The following MAPKAP1 variants were observed in gnomAD, a reference collection of about 807,000 sequenced individuals.
MAPKAP1 encodes target of rapamycin complex 2 subunit MAPKAP1.
In MAPKAP1, 20 loss-of-function variants were observed where a neutral mutation model predicts 65.7. The observed-to-expected ratio is 0.30, with a 90% CI of 0.21 to 0.44. The LOEUF is 0.44. Among genes scored for constraint, MAPKAP1 ranks in the 20% least tolerant of loss-of-function variants. The pLI, the probability that MAPKAP1 is intolerant of heterozygous loss-of-function variation, is 1.00. For missense variants in MAPKAP1, 423 were observed against 648.0 expected, an observed-to-expected ratio of 0.65 and a Z score of 3.77; for synonymous variants, 222 against 244.3, an observed-to-expected ratio of 0.91 and a Z score of 0.85.
At chr9:125,631,620 G>A (rs928774987) in intron 4 of MAPKAP1, among the ~76,000 whole-genome samples, 6 of 152,170 alleles carry the variant, frequency 3.9e-5, no homozygotes, top group South Asian at 2.1e-4. Context: ...TTATTCAGAC[G>A]TAAGGATGTC....
chr9:125,662,708 T>A (rs1834223761), intron 3 of MAPKAP1, among the ~76,000 whole-genome samples: 1 of 151,902 alleles, frequency 6.6e-6, no homozygotes, highest in Admixed American at 6.6e-5. Flanking sequence ...AAAAATAAAA[T>A]TTTTCTTTAT....
chr9:125,623,011 C>G (rs866696215), intron 4 of MAPKAP1, among the ~76,000 whole-genome samples: 2 of 151,904 alleles, frequency 1.3e-5, no homozygotes, highest in Non-Finnish European at 2.9e-5. Context: ...TTGGCCGGGC[C>G]GGTCTCCAGC....
chr9:125,456,775 G>A (rs767730591), intron 10 of MAPKAP1, among the ~76,000 whole-genome samples: 1 of 152,168 alleles, frequency 6.6e-6, no homozygotes, highest in Non-Finnish European at 1.5e-5. Context: ...TGAGATGACT[G>A]CAGTCCCAGC....
intron 5 of MAPKAP1, among the ~76,000 whole-genome samples, chr9:125,578,050 G>A (rs945779015): frequency 6.6e-6 from 1 of 152,032 alleles, no homozygotes; most frequent in Non-Finnish European, 1.5e-5. Flanking sequence ...TGTAGAAAGA[G>A]GTAGACACGG....
At chr9:125,444,128 CAAT>C (rs1852607487) in intron 11 of MAPKAP1, among the ~76,000 whole-genome samples, 1 of 152,184 alleles carries the variant, frequency 6.6e-6, no homozygotes, top group African/African-American at 2.4e-5. Flanking sequence ...ATCTTCAAAA[CAAT>C]AATAATTTCC....
At chr9:125,512,580 AT>A (rs909302384) in intron 7 of MAPKAP1, among the ~76,000 whole-genome samples, 13 of 148,368 alleles carry the variant, frequency 8.8e-5, no homozygotes, top group African/African-American at 1.5e-4. Flanking sequence ...ATGTATACAT[AT>A]TTTTTTTTTG....
At chr9:125,461,496 G>C (rs1389931707) in intron 10 of MAPKAP1, among the ~76,000 whole-genome samples, 2 of 152,168 alleles carry the variant, frequency 1.3e-5, no homozygotes, top group Non-Finnish European at 2.9e-5. Flanking sequence ...AATGCAGCAA[G>C]GAGTTTTAAT....
At chr9:125,613,951 C>T (rs1832675435) in intron 4 of MAPKAP1, among the ~76,000 whole-genome samples, 2 of 152,224 alleles carry the variant, frequency 1.3e-5, no homozygotes, top group East Asian at 3.9e-4. Context: ...GCGCCCGCCA[C>T]CACGCTCGGC....
intron 7 of MAPKAP1, among the ~76,000 whole-genome samples, chr9:125,540,072 G>C (rs923695169): frequency 2.6e-5 from 4 of 152,206 alleles, no homozygotes; most frequent in Non-Finnish European, 5.9e-5. Flanking sequence ...TTTTAGGTCA[G>C]TTACAAGTGT....
At position 125,664,357 on chromosome 9, in the gene MAPKAP1, A is replaced by T. The variant is rs556635858; in HGVS notation, c.349+5461T>A. Among the ~76,000 whole-genome samples the T allele has an allele frequency of 3.9e-4, 59 of 151,016 alleles. No individual in the cohort carries two copies. In the South Asian group the frequency reaches 6.7e-3, roughly 17 times the overall value. ...AGTAAAACTCCGTCTCAAAAAAAAT[A>T]AAAAAAAATAAAAATAAAATAACAG... On this transcript the variant is annotated intron_variant, in intron 3 of 11. Transcript: ENST00000265960.
intron 4 of MAPKAP1, among the ~76,000 whole-genome samples, chr9:125,609,957 G>A (rs569549280): frequency 6.6e-6 from 1 of 152,270 alleles, no homozygotes; most frequent in South Asian, 2.1e-4. Flanking sequence ...CTGCTAAGAG[G>A]TGAAAGAAAT....
rs1299818548 is a variant in MAPKAP1 at position 125,624,365 on chromosome 9, C to T, written c.498+33286G>A. Among the ~76,000 whole-genome samples, 11 of 67,994 alleles carry T rather than the reference C, an allele frequency of 1.6e-4. 1 individual carries two copies. Among genetic ancestry groups the T allele is most frequent in the Non-Finnish European group, 3.1e-4 (9 of 28,862 alleles). The allele number at this position is 67,994 out of a possible 152,430, so 44.6% of individuals were successfully genotyped here. A position where few individuals can be genotyped will look rare whatever the true frequency, so the allele number is the denominator to read the frequency against. On this transcript the variant is annotated intron_variant, in intron 4 of 11. Transcript: ENST00000265960. ...GGTCGGCCCCCCGCCCGGCCAGCCG[C>T]CCCATCCGGGAGGGAGGTGGGGGGG...
At chr9:125,676,609 G>C (rs1223367202) in intron 1 of MAPKAP1, among the ~76,000 whole-genome samples, 1 of 152,196 alleles carries the variant, frequency 6.6e-6, no homozygotes, top group Non-Finnish European at 1.5e-5. Flanking sequence ...CTAGGAGCTG[G>C]AGGAAGGTAG....
At chr9:125,567,790 T>C (rs965832155) in intron 5 of MAPKAP1, 3 of 152,082 alleles carry the variant, frequency 2.0e-5, no homozygotes, top group Admixed American at 6.5e-5. Context: ...ATGGCTACCT[T>C]TGGGTAAATG....
intron 3 of MAPKAP1, among the ~76,000 whole-genome samples, chr9:125,668,643 T>C (rs1834408333): frequency 2.6e-5 from 4 of 152,222 alleles, no homozygotes; most frequent in Admixed American, 2.6e-4. Context: ...AAATTGTTTT[T>C]CTCCCCAAGT....
chr9:125,606,997 A>T (rs542611916), intron 4 of MAPKAP1, among the ~76,000 whole-genome samples: 1 of 152,300 alleles, frequency 6.6e-6, no homozygotes, highest in South Asian at 2.1e-4. Flanking sequence ...GTGTAACCTC[A>T]GGCAAGTCTG....
intron 9 of MAPKAP1, 79 bp downstream of exon 9, chr9:125,484,364 G>C: frequency 7.2e-7 from 1 of 1,394,480 alleles, no homozygotes; most frequent in Non-Finnish European, 9.6e-7. Flanking sequence ...TCACATAAAA[G>C]TTGTATGTTG....
At chr9:125,470,950 C>T (rs150772565) in intron 9 of MAPKAP1, 1 of 152,282 alleles carries the variant, frequency 6.6e-6, no homozygotes, top group African/African-American at 2.4e-5. Context: ...AGTTTCTCTG[C>T]CCTGTAGGCT....
At chr9:125,583,811 C>A (rs1831695444) in intron 5 of MAPKAP1, among the ~76,000 whole-genome samples, 1 of 152,220 alleles carries the variant, frequency 6.6e-6, no homozygotes, top group Non-Finnish European at 1.5e-5. Context: ...CGCCTGTAAT[C>A]CCAACACTTT....
Sources: allele counts gnomAD v4.1 joint callset (sites outside exome capture counted in the v4.1 genomes callset), GRCh38; gene constraint gnomAD v4.1.1; transcripts MANE v1.5; gene names NCBI Gene and HGNC (gene_info 2026-07-23, HGNC 2026-07-21).